Variants in PCDH15 observed in about 807,000 individuals in gnomAD.
PCDH15 encodes the protein protocadherin related 15, also known as protocadherin-15.
Under a neutral mutation model 178.5 loss-of-function variants are expected in PCDH15, and 129 were observed. That is an observed-to-expected ratio of 0.72 (90% CI 0.63 to 0.84). The LOEUF is 0.84. Among genes scored for constraint, PCDH15 ranks in the 40% least tolerant of loss-of-function variants. The probability of loss-of-function intolerance (pLI) is 0.00; values close to 1 mark genes in which losing one functional copy is unlikely to be tolerated. For missense variants in PCDH15, 2,230 were observed against 2,099.9 expected, an observed-to-expected ratio of 1.06 and a Z score of -1.21; for synonymous variants, 800 against 732.0, an observed-to-expected ratio of 1.09 and a Z score of -1.50.
chr10:55,066,781 T>A (rs1369799602), intron 2 of PCDH15, among the ~76,000 whole-genome samples: 2 of 151,148 alleles, frequency 1.3e-5, no homozygotes, highest in Admixed American at 1.3e-4. Flanking sequence ...GAGGTTTTTA[T>A]TTTATTTTAA....
chr10:55,435,374 T>A (rs1291580227), intron 2 of PCDH15, among the ~76,000 whole-genome samples: 3 of 152,330 alleles, frequency 2.0e-5, no homozygotes, highest in East Asian at 1.9e-4. Flanking sequence ...GCATTTTTGA[T>A]AATGTATTGT....
At chr10:54,003,904 A>T (rs2092282980) in intron 20 of PCDH15, among the ~76,000 whole-genome samples, 1 of 152,088 alleles carries the variant, frequency 6.6e-6, no homozygotes, top group Non-Finnish European at 1.5e-5. Context: ...AAATAATAAC[A>T]AAGAAATTCA....
chr10:53,845,834 A>T (rs914951363), intron 28 of PCDH15, among the ~76,000 whole-genome samples: 27 of 151,838 alleles, frequency 1.8e-4, no homozygotes, highest in Non-Finnish European at 1.0e-4. Context: ...AGTTAAAAAT[A>T]ATGTGTTGTA....
intron 1 of PCDH15, among the ~76,000 whole-genome samples, chr10:54,709,038 G>A (rs2095398801): frequency 1.3e-5 from 2 of 152,180 alleles, no homozygotes; most frequent in South Asian, 4.1e-4. Flanking sequence ...AATAATTCAA[G>A]ATTGACTATC....
intron 2 of PCDH15, among the ~76,000 whole-genome samples, chr10:55,427,795 T>A: frequency 7.0e-6 from 1 of 143,482 alleles, no homozygotes; most frequent in African/African-American, 2.4e-5. Flanking sequence ...TAATAAAAAG[T>A]AAATTATTAA....
At chr10:53,950,017 C>T (rs2086890036) in intron 23 of PCDH15, among the ~76,000 whole-genome samples, 1 of 152,020 alleles carries the variant, frequency 6.6e-6, no homozygotes. Flanking sequence ...GTAAAACTTT[C>T]AACCTGTCAT....
intron 2 of PCDH15, among the ~76,000 whole-genome samples, chr10:54,596,119 A>G (rs1681993187): frequency 6.6e-6 from 1 of 152,172 alleles, no homozygotes; most frequent in Non-Finnish European, 1.5e-5. Flanking sequence ...GAACTCCCAC[A>G]AAGTACTTCA....
At chr10:54,218,286 CA>C (rs60375759) in intron 9 of PCDH15, among the ~76,000 whole-genome samples, 11,334 of 151,946 alleles carry the variant, frequency 0.075, 1,350 homozygotes, top group African/African-American at 0.25. Context: ...GCTAATATCA[CA>C]AAAAAAGAGA....
chr10:54,253,299 GT>G (rs1251168251), intron 8 of PCDH15, among the ~76,000 whole-genome samples: 1 of 151,962 alleles, frequency 6.6e-6, no homozygotes, highest in Admixed American at 6.6e-5. Flanking sequence ...TTTTCCTACA[GT>G]TTTTTTGGGT....
chr10:55,432,873 C>T (rs1456798088), intron 2 of PCDH15, among the ~76,000 whole-genome samples: 1 of 151,946 alleles, frequency 6.6e-6, no homozygotes, highest in African/African-American at 2.4e-5. Context: ...ATCCGCCCGC[C>T]TCGGCCTCCC....
intron 15 of PCDH15, among the ~76,000 whole-genome samples, chr10:54,113,831 G>A (rs2095066944): frequency 6.6e-6 from 1 of 151,974 alleles, no homozygotes; most frequent in Middle Eastern, 3.2e-3. Flanking sequence ...CCCAAACTGT[G>A]TAATTTATAA....
chr10:54,263,883 G>C (rs1157125225), intron 8 of PCDH15, among the ~76,000 whole-genome samples: 1 of 152,136 alleles, frequency 6.6e-6, no homozygotes, highest in Non-Finnish European at 1.5e-5. Context: ...CTCAATCTGG[G>C]TGGGCACCAT....
At chr10:55,281,548 T>C (rs1000626479) in intron 1 of PCDH15, among the ~76,000 whole-genome samples, 1 of 152,142 alleles carries the variant, frequency 6.6e-6, no homozygotes, top group Non-Finnish European at 1.5e-5. Context: ...ACCCTTTTTA[T>C]TGAATAAAGG....
chr10:55,493,077 T>C (rs1437705250), intron 2 of PCDH15, among the ~76,000 whole-genome samples: 1 of 151,634 alleles, frequency 6.6e-6, no homozygotes, highest in Non-Finnish European at 1.5e-5. Flanking sequence ...CAGTAAGTGT[T>C]GCAACATGAT....
intron 2 of PCDH15, among the ~76,000 whole-genome samples, chr10:55,511,539 A>C (rs542157508): frequency 3.7e-4 from 57 of 152,114 alleles, no homozygotes; most frequent in African/African-American, 1.2e-3. Context: ...AAATTTACTA[A>C]ATGTTTTGGG....
At chr10:54,384,042 C>G (rs985236723) in intron 3 of PCDH15, among the ~76,000 whole-genome samples, 2 of 147,654 alleles carry the variant, frequency 1.4e-5, no homozygotes, top group African/African-American at 5.0e-5. Context: ...CCATGTTGGC[C>G]AGGCTGGTCT....
intron 23 of PCDH15, among the ~76,000 whole-genome samples, chr10:53,957,692 A>G (rs2087766172): frequency 6.6e-6 from 1 of 152,060 alleles, no homozygotes; most frequent in Non-Finnish European, 1.5e-5. Context: ...TTTCCACTTA[A>G]TATTTTCTGA....
Position 55,609,021 on chromosome 10 carries a change from C to T in PCDH15, c.-156+18604G>A, listed in dbSNP as rs1373291856. On this transcript the variant is annotated intron_variant, in intron 2 of 5. Transcript: ENST00000613346. ...CATATATGTTATATATATATACACA[C>T]ACACACACACACACACACACACACG... Among the ~76,000 whole-genome samples the T allele has an allele frequency of 4.1e-3, 623 of 151,056 alleles. 6 individuals are homozygous for T. Among genetic ancestry groups the T allele is most frequent in the African/African-American group, 0.014 (594 of 41,010 alleles).
rs570863366 is a variant in PCDH15, at chr10:53,970,122, G to T, written c.2869-8230C>A. 3.9e-5 allele frequency among the ~76,000 whole-genome samples: 6 copies of T among 152,190 alleles called. No individual in the cohort carries two copies. In the South Asian group the frequency reaches 1.2e-3, roughly 32 times the overall value. ...GCTGTATTCAAGAGACCTATCTTAT[G>T]TGCAGCGATACACATAGGCTCAAAA... On this transcript the variant is annotated intron_variant, in intron 21 of 37. Coordinates refer to ENST00000644397, the MANE Select transcript of PCDH15 (RefSeq NM_001384140.1).
Sources: gnomAD v4.1 joint callset for allele counts (sites outside exome capture counted in the v4.1 genomes callset) on GRCh38, gnomAD v4.1.1 for gene constraint, MANE v1.5 for transcripts, NCBI Gene and HGNC (gene_info 2026-07-23, HGNC 2026-07-21) for gene names.